The following MTSS1 variants were observed in gnomAD, a reference collection of about 807,000 sequenced individuals.
MTSS1 encodes the protein protein MTSS 1.
MTSS1 carries 18 observed loss-of-function variants against 79.0 expected under a neutral mutation model. That is an observed-to-expected ratio of 0.23 (90% CI 0.16 to 0.34). MTSS1 has a LOEUF of 0.34. Among genes scored for constraint, MTSS1 ranks in the 10% least tolerant of loss-of-function variants. The pLI, the probability that MTSS1 is intolerant of heterozygous loss-of-function variation, is 1.00. For missense variants in MTSS1, 815 were observed against 986.2 expected (o/e 0.83, Z 2.33); for synonymous variants, 341 against 368.6 (o/e 0.93, Z 0.86).
intron 3 of MTSS1, among the ~76,000 whole-genome samples, chr8:124,657,027 T>C (rs1348943633): frequency 6.6e-6 from 1 of 152,164 alleles, no homozygotes; most frequent in Non-Finnish European, 1.5e-5. Flanking sequence ...AAGGAACATA[T>C]GAACTAAATG....
chr8:124,691,635 C>T (rs534905692), intron 3 of MTSS1, among the ~76,000 whole-genome samples: 1 of 152,212 alleles, frequency 6.6e-6, no homozygotes, highest in African/African-American at 2.4e-5. Context: ...CCTGTCTCAG[C>T]CTCCCAAGTA....
intron 13 of MTSS1, among the ~76,000 whole-genome samples, chr8:124,554,641 T>C (rs1823194044): frequency 6.6e-6 from 1 of 152,338 alleles, no homozygotes; most frequent in East Asian, 1.9e-4. Flanking sequence ...TTGGCTGGAA[T>C]AGGTTAAGAA....
chr8:124,619,609 T>C (rs1406104323), intron 3 of MTSS1: 1 of 152,210 alleles, frequency 6.6e-6, no homozygotes, highest in Non-Finnish European at 1.5e-5. Context: ...GGAGGAGGTG[T>C]CATTAAAGCC....
At chr8:124,724,104 T>C (rs1833337570) in intron 1 of MTSS1, among the ~76,000 whole-genome samples, 6 of 151,956 alleles carry the variant, frequency 3.9e-5, no homozygotes, top group Admixed American at 3.9e-4. Flanking sequence ...GAAGTGTATC[T>C]CTCTTCTGAT....
At chr8:124,574,516 T>G (rs1157125553) in intron 6 of MTSS1, among the ~76,000 whole-genome samples, 1 of 152,008 alleles carries the variant, frequency 6.6e-6, no homozygotes, top group Non-Finnish European at 1.5e-5. Flanking sequence ...GAAGACGAGG[T>G]TCTTTGTGTT....
Position 124,553,644 on chromosome 8 carries a change from T to A in MTSS1, c.1616A>T (p.Gln539Leu). The A allele has an allele frequency of 6.2e-7, 1 of 1,614,134 alleles. No homozygotes were observed. Among genetic ancestry groups the A allele is most frequent in the Non-Finnish European group, 8.5e-7 (1 of 1,179,992 alleles). Reference protein sequence around the residue: ...FSVSGDQEADQQEFDKSSTIP... With the variant: ...FSVSGDQEADLQEFDKSSTIP... Reference sequence around the variant, plus strand: ...GGTGGAGGACTTGTCGAACTCCTGCTGATCTGCCTCCTGGTCACCACTTAC... The same window carrying A: ...GGTGGAGGACTTGTCGAACTCCTGCAGATCTGCCTCCTGGTCACCACTTAC... The change falls in exon 14 of 14, where the codon CAG becomes CTG. Residue 539 changes from glutamine to leucine, a missense_variant. Physicochemically the swap from Gln to Leu is moderately radical, Grantham distance 113 (BLOSUM62 -2). This residue lies in a region of MTSS1 where 590 missense variants were observed against 620.8 expected (regional missense o/e 0.95). Coordinates refer to ENST00000518547, the MANE Select transcript of MTSS1 (RefSeq NM_014751.6). This position sits in a 1 kb window ranked among gnomAD's most constrained non-coding sequence, Gnocchi z 6.0.
chr8:124,580,252 C>T (rs1829792348), intron 6 of MTSS1: 2 of 341,912 alleles, frequency 5.8e-6, no homozygotes, highest in Admixed American at 4.1e-5. Context: ...GTGGAAATGA[C>T]AGTTTAAGTC....
intron 3 of MTSS1, among the ~76,000 whole-genome samples, chr8:124,608,409 CATCATGGCCTCGCCTCCTCCAGCAAT>C (rs1325610545): frequency 3.3e-5 from 5 of 152,316 alleles, no homozygotes; most frequent in South Asian, 4.1e-4. Context: ...GCCAGGGTAA[CATCATGGCCTCGCCTCCTCCAGCAAT>C]ATCATGGCCT....
chr8:124,603,788 C>A (rs1018889079), intron 3 of MTSS1, among the ~76,000 whole-genome samples: 3 of 152,182 alleles, frequency 2.0e-5, no homozygotes, highest in African/African-American at 7.2e-5. Flanking sequence ...CACTGAGCAG[C>A]GTCCTGATAC....
At chr8:124,672,346 T>C (rs1415370436) in intron 3 of MTSS1, among the ~76,000 whole-genome samples, 1 of 151,916 alleles carries the variant, frequency 6.6e-6, no homozygotes, top group African/African-American at 2.4e-5. Context: ...ATACAAAAAT[T>C]AGCTGGGTGT....
chr8:124,619,973 C>CA (rs1813174634), intron 3 of MTSS1, among the ~76,000 whole-genome samples: 1 of 130,762 alleles, frequency 7.6e-6, no homozygotes, highest in African/African-American at 3.7e-5. Context: ...TTTTTGAAGA[C>CA]AGAGTTTTGC....
chr8:124,621,182 C>T (rs377604619), intron 3 of MTSS1, among the ~76,000 whole-genome samples: 1 of 152,176 alleles, frequency 6.6e-6, no homozygotes, highest in African/African-American at 2.4e-5. Context: ...TGACTCTGAC[C>T]TTTAAATGTT....
intron 1 of MTSS1, among the ~76,000 whole-genome samples, chr8:124,715,554 G>A (rs149087456): frequency 3.9e-5 from 6 of 152,218 alleles, no homozygotes; most frequent in African/African-American, 1.2e-4. Context: ...CCTTTGGAAC[G>A]GAGACAGATA....
chr8:124,664,752 T>C (rs1822744700), intron 3 of MTSS1, among the ~76,000 whole-genome samples: 2 of 152,192 alleles, frequency 1.3e-5, no homozygotes, highest in Non-Finnish European at 2.9e-5. Context: ...TCCAGGCCTG[T>C]TTCCTTCTAC....
intron 3 of MTSS1, among the ~76,000 whole-genome samples, chr8:124,607,944 A>C (rs1300276412): frequency 6.6e-6 from 1 of 152,194 alleles, no homozygotes; most frequent in Non-Finnish European, 1.5e-5. Flanking sequence ...AGCTTGAGGT[A>C]GGTCAGTAGA....
Position 124,649,930 on chromosome 8 carries a change from G to A in MTSS1, c.208+49596C>T, listed in dbSNP as rs140506023. 2.5e-3 allele frequency among the ~76,000 whole-genome samples: 377 copies of A among 151,888 alleles called. 1 individual carries two copies. The highest frequency in any genetic ancestry group is 8.7e-3 in the African/African-American group (359 of 41,436). On this transcript the variant is annotated intron_variant, in intron 3 of 13. Transcript: ENST00000518547. ...GCATTGTCACCCAGGGTCTGTCTCC[G>A]AACATTGTATCTTTCATCCTTTTAA...
intron 3 of MTSS1, among the ~76,000 whole-genome samples, chr8:124,695,820 A>G (rs1828713230): frequency 6.6e-6 from 1 of 151,130 alleles, no homozygotes. Context: ...TCACACAGGT[A>G]TATTTTATTC....
chr8:124,658,283 T>C (rs1298098234), intron 3 of MTSS1, among the ~76,000 whole-genome samples: 1 of 152,154 alleles, frequency 6.6e-6, no homozygotes, highest in African/African-American at 2.4e-5. Flanking sequence ...GTTATCACGA[T>C]AGTGAATAAG....
At chr8:124,676,608 A>G (rs1825331689) in intron 3 of MTSS1, among the ~76,000 whole-genome samples, 1 of 152,246 alleles carries the variant, frequency 6.6e-6, no homozygotes, top group South Asian at 2.1e-4. Flanking sequence ...GTCAACATCA[A>G]TATTGTCACT....
Sources: allele counts gnomAD v4.1 joint callset (sites outside exome capture counted in the v4.1 genomes callset), GRCh38; gene constraint gnomAD v4.1.1; regional missense constraint gnomAD v4.1.1; non-coding constraint Gnocchi (gnomAD v3.1); transcripts MANE v1.5; gene names NCBI Gene and HGNC (gene_info 2026-07-23, HGNC 2026-07-21).